The following PCDH7 variants were observed in gnomAD, a reference collection of about 807,000 sequenced individuals.
PCDH7 encodes the protein protocadherin 7.
PCDH7 carries 17 observed loss-of-function variants against 58.9 expected under a neutral mutation model. That is an observed-to-expected ratio of 0.29 (90% confidence interval 0.20 to 0.43). The LOEUF (loss-of-function observed/expected upper bound fraction) is 0.43, where lower values mean the gene tolerates loss of function less well. PCDH7 is among the 20% of genes least tolerant of loss of function. PCDH7 has a pLI of 1.00. For missense variants in PCDH7, 1,274 were observed against 1,441.0 expected (o/e 0.88, Z 1.88); for synonymous variants, 664 against 616.4 (o/e 1.08, Z -1.14).
rs150300723 is a variant in PCDH7 at position 30,815,954 on chromosome 4, T to C, written c.70+91358T>C. Among the ~76,000 whole-genome samples the C allele has an allele frequency of 4.3e-4, 65 of 152,318 alleles. No individual in the cohort carries two copies. The East Asian group carries it at 0.011, about 26-fold the overall frequency. On this transcript the variant is annotated intron_variant, in intron 1 of 3. Coordinates refer to the PCDH7 transcript ENST00000509759. Reference sequence around the variant, plus strand: ...GCTACCAACTCTAAGAGTATCTCACTACTGCTAGAAGTTTGAGAAAAGGTG... The same window carrying C: ...GCTACCAACTCTAAGAGTATCTCACCACTGCTAGAAGTTTGAGAAAAGGTG...
At chr4:30,764,492 G>T (rs1720440959) in intron 1 of PCDH7, among the ~76,000 whole-genome samples, 1 of 152,132 alleles carries the variant, frequency 6.6e-6, no homozygotes, top group Non-Finnish European at 1.5e-5. Context: ...ATGCAACAGT[G>T]CCTAGTCAAT....
Position 31,047,779 on chromosome 4 carries a change from A to C in PCDH7, c.*8-94694A>C, listed in dbSNP as rs545676814. 4.5e-4 allele frequency among the ~76,000 whole-genome samples: 68 copies of C among 152,150 alleles called. 1 individual carries two copies. The highest frequency in any genetic ancestry group is 1.6e-3 in the African/African-American group (66 of 41,562). Reference sequence around the variant, plus strand: ...TAGCTGATGCCTTAACCTATATTTTATTCTTGTTGATCATTTTCTTCCTTG... The same window carrying C: ...TAGCTGATGCCTTAACCTATATTTTCTTCTTGTTGATCATTTTCTTCCTTG... On this transcript the variant is annotated intron_variant, in intron 3 of 3. Coordinates refer to the PCDH7 transcript ENST00000509759.
chr4:31,032,605 CAAAA>C (rs528974781), intron 3 of PCDH7, among the ~76,000 whole-genome samples: 1 of 86,884 alleles, frequency 1.2e-5, no homozygotes. Context: ...CAGATTCTGT[CAAAA>C]AAAAAAAAAA....
At chr4:30,939,091 G>T (rs1745724780) in intron 2 of PCDH7, among the ~76,000 whole-genome samples, 1 of 152,070 alleles carries the variant, frequency 6.6e-6, no homozygotes, top group African/African-American at 2.4e-5. Flanking sequence ...AAGGGATATT[G>T]TTTTTTAATG....
chr4:31,078,723 G>T (rs1040159927), intron 3 of PCDH7, among the ~76,000 whole-genome samples: 10 of 118,368 alleles, frequency 8.4e-5, no homozygotes, highest in Admixed American at 4.4e-4. Flanking sequence ...CCCAAAATTT[G>T]TTTGGAATAT....
At chr4:30,939,153 C>A (rs533156931) in intron 2 of PCDH7, among the ~76,000 whole-genome samples, 2 of 152,230 alleles carry the variant, frequency 1.3e-5, no homozygotes, top group East Asian at 3.9e-4. Context: ...CAATGCACAA[C>A]AACAGGTCTC....
chr4:30,809,753 G>T (rs1408673365), intron 1 of PCDH7, among the ~76,000 whole-genome samples: 1 of 152,146 alleles, frequency 6.6e-6, no homozygotes, highest in Non-Finnish European at 1.5e-5. Flanking sequence ...AAGGGACACA[G>T]ATTTTTCCGT....
intron 3 of PCDH7, among the ~76,000 whole-genome samples, chr4:31,117,031 A>G (rs1332722436): frequency 6.6e-6 from 1 of 151,960 alleles, no homozygotes; most frequent in East Asian, 1.9e-4. Context: ...TTGTATTTTT[A>G]GTATTTTGTA....
In PCDH7 at chr4:30,968,235, C is replaced by T. The variant is rs998129300; in HGVS notation, c.*7+18020C>T. On this transcript the variant is annotated intron_variant, in intron 3 of 3. Transcript: ENST00000509759. ...AACCATATGGAGTCCTCACCCTACA[C>T]AAATTCAAGATGCAGTGAGAAGGAC... Among the ~76,000 whole-genome samples, 6 of 148,782 alleles carry T rather than the reference C, an allele frequency of 4.0e-5. 1 individual carries two copies. Among genetic ancestry groups the T allele is most frequent in the South Asian group, 4.2e-4 (2 of 4,754 alleles).
intron 1 of PCDH7, among the ~76,000 whole-genome samples, chr4:30,768,119 C>A (rs976800491): frequency 6.6e-6 from 1 of 152,128 alleles, no homozygotes; most frequent in Non-Finnish European, 1.5e-5. Context: ...ATAAAATGTT[C>A]TCACTCTATG....
intron 1 of PCDH7, among the ~76,000 whole-genome samples, chr4:30,895,846 A>G (rs1739331004): frequency 6.6e-6 from 1 of 152,244 alleles, no homozygotes; most frequent in Non-Finnish European, 1.5e-5. Flanking sequence ...ACCAATTCAA[A>G]GTGAAGCTAA....
intron 2 of PCDH7, among the ~76,000 whole-genome samples, chr4:30,926,069 T>C (rs1743827508): frequency 6.6e-6 from 1 of 152,212 alleles, no homozygotes; most frequent in Non-Finnish European, 1.5e-5. Context: ...GAGACAATAA[T>C]ATGCAATAAT....
chr4:30,820,467 T>C (rs1728242011), intron 1 of PCDH7, among the ~76,000 whole-genome samples: 1 of 152,156 alleles, frequency 6.6e-6, no homozygotes, highest in African/African-American at 2.4e-5. Context: ...GACTACTTCT[T>C]GTGTATGAAG....
intron 1 of PCDH7, among the ~76,000 whole-genome samples, chr4:30,775,739 A>G (rs780671134): frequency 6.6e-6 from 1 of 152,104 alleles, no homozygotes; most frequent in Non-Finnish European, 1.5e-5. Flanking sequence ...TCTACTAAAA[A>G]TATAAAAATT....
In PCDH7 at chr4:30,723,409, G is replaced by T. The variant is rs755434379; in HGVS notation, c.1987G>T (p.Val663Leu). 7 of 1,614,096 alleles carry T rather than the reference G, an allele frequency of 4.3e-6. No homozygotes were observed. Among genetic ancestry groups the T allele is most frequent in the African/African-American group, 1.3e-5 (1 of 74,942 alleles). ...CAACAGCCCTGTGGGGATGGTCACC[G>T]TGATGGATGCTGACAAGGGGCGGAA... Residue 663 changes from valine (V) to leucine (L), a missense_variant, in exon 1 of 2, where the codon GTG (valine) becomes TTG (leucine). Val to Leu is a conservative substitution (Grantham distance 32). Around this residue, in one of 3 missense-constraint regions of PCDH7, gnomAD observed 731 missense variants for 881.9 expected, o/e 0.83. Transcript: ENST00000361762. The surrounding 1 kb of genome is among the most constrained non-coding windows in gnomAD (Gnocchi z 4.6).
chr4:30,965,753 T>A (rs1252435563), intron 3 of PCDH7, among the ~76,000 whole-genome samples: 2 of 152,128 alleles, frequency 1.3e-5, no homozygotes, highest in African/African-American at 4.8e-5. Context: ...TCTCTGTTCT[T>A]GCATCTGTAT....
intron 1 of PCDH7, among the ~76,000 whole-genome samples, chr4:30,833,059 G>T (rs980107965): frequency 3.9e-5 from 6 of 152,112 alleles, no homozygotes; most frequent in Non-Finnish European, 1.5e-5. Context: ...GTATTTACTG[G>T]ACATTAAGGA....
At chr4:31,068,392 T>G (rs1288336734) in intron 3 of PCDH7, among the ~76,000 whole-genome samples, 2 of 151,750 alleles carry the variant, frequency 1.3e-5, no homozygotes, top group Admixed American at 6.6e-5. Context: ...GTACAAAAAT[T>G]CCCGCACAGC....
At chr4:31,064,510 C>CA (rs1757926648) in intron 3 of PCDH7, among the ~76,000 whole-genome samples, 1 of 151,920 alleles carries the variant, frequency 6.6e-6, no homozygotes, top group Non-Finnish European at 1.5e-5. Flanking sequence ...GTTAGAAGTC[C>CA]AAAACCAAGA....
Sources: allele counts gnomAD v4.1 joint callset (sites outside exome capture counted in the v4.1 genomes callset), GRCh38; gene constraint gnomAD v4.1.1; regional missense constraint gnomAD v4.1.1; non-coding constraint Gnocchi (gnomAD v3.1); transcripts MANE v1.5; gene names NCBI Gene and HGNC (gene_info 2026-07-23, HGNC 2026-07-21).